ROBO2: variants seen among roughly 807,000 people sequenced by gnomAD.
The protein encoded by ROBO2 is roundabout homolog 2.
A neutral mutation model predicts 160.8 loss-of-function variants in ROBO2; 53 were observed. The observed-to-expected ratio is 0.33, with a 90% CI of 0.26 to 0.41. The LOEUF is 0.41. ROBO2 is among the 10% of genes least tolerant of loss of function. The pLI is 1.00. For missense variants in ROBO2, 1,577 were observed against 1,722.4 expected, an observed-to-expected ratio of 0.92 and a Z score of 1.49; for synonymous variants, 664 against 611.7, an observed-to-expected ratio of 1.09 and a Z score of -1.26.
At chr3:76,176,189 AT>A (rs2073224114) in intron 2 of ROBO2, among the ~76,000 whole-genome samples, 1 of 151,842 alleles carries the variant, frequency 6.6e-6, no homozygotes, top group African/African-American at 2.4e-5. Context: ...GCGCAGCTTT[AT>A]TTTTTGTTCC....
At chr3:76,898,003 A>G (rs546629889) in intron 2 of ROBO2, among the ~76,000 whole-genome samples, 1 of 152,184 alleles carries the variant, frequency 6.6e-6, no homozygotes, top group African/African-American at 2.4e-5. Flanking sequence ...TTTCATGTCA[A>G]CACATTCCTG....
rs76639234 is a variant in ROBO2, at chr3:76,058,543, T to C, written c.109+120941T>C. On this transcript the variant is annotated intron_variant, in intron 2 of 26. Coordinates refer to the ROBO2 transcript ENST00000487694. The stretch of plus-strand genomic sequence containing the variant: ...AAATAGGTAGAGTGACGATTTCCAC[T>C]TGATGAACGTTGCACATGAACTATC... Among the ~76,000 whole-genome samples the C allele has an allele frequency of 6.8e-3, 1,031 of 151,104 alleles. 60 individuals are homozygous for C. In the East Asian group the frequency reaches 0.15, roughly 22 times the overall value.
chr3:76,166,274 A>C (rs2072833574), intron 2 of ROBO2, among the ~76,000 whole-genome samples: 1 of 152,134 alleles, frequency 6.6e-6, no homozygotes, highest in Non-Finnish European at 1.5e-5. Flanking sequence ...TTTAATATGA[A>C]TTGTGAATTT....
At chr3:76,614,848 T>G (rs572232517) in intron 2 of ROBO2, among the ~76,000 whole-genome samples, 107 of 152,198 alleles carry the variant, frequency 7.0e-4, no homozygotes, top group African/African-American at 2.5e-3. Flanking sequence ...TGTCGGTGCA[T>G]AAATAATTTG....
intron 2 of ROBO2, among the ~76,000 whole-genome samples, chr3:76,831,750 TCC>T (rs1342948212): frequency 6.6e-6 from 1 of 152,166 alleles, no homozygotes; most frequent in Non-Finnish European, 1.5e-5. Context: ...TTAATAGAAA[TCC>T]CAACATAAAT....
intron 2 of ROBO2, among the ~76,000 whole-genome samples, chr3:76,471,892 G>A (rs2078673962): frequency 6.6e-6 from 1 of 152,116 alleles, no homozygotes; most frequent in African/African-American, 2.4e-5. Flanking sequence ...GATCTCATGA[G>A]AACTCATTCA....
At chr3:76,146,560 A>T (rs892284719) in intron 2 of ROBO2, among the ~76,000 whole-genome samples, 9 of 151,752 alleles carry the variant, frequency 5.9e-5, no homozygotes, top group African/African-American at 2.2e-4. Context: ...TGATTATCTT[A>T]AAGTCAATTT....
At chr3:76,073,666 A>G (rs1229473035) in intron 2 of ROBO2, among the ~76,000 whole-genome samples, 1 of 152,120 alleles carries the variant, frequency 6.6e-6, no homozygotes, top group Non-Finnish European at 1.5e-5. Flanking sequence ...TAAAAACTGA[A>G]CAATACGTTA....
chr3:75,981,871 A>AT (rs141629118), intron 2 of ROBO2, among the ~76,000 whole-genome samples: 5,511 of 149,536 alleles, frequency 0.037, 276 homozygotes, highest in East Asian at 0.17. Flanking sequence ...TATTCATTCT[A>AT]TTTTTTTTAC....
At chr3:76,700,445 A>T (rs1357975602) in intron 2 of ROBO2, among the ~76,000 whole-genome samples, 1 of 152,076 alleles carries the variant, frequency 6.6e-6, no homozygotes, top group African/African-American at 2.4e-5. Flanking sequence ...TTCCAGAGAG[A>T]CACCAGTATA....
intron 2 of ROBO2, among the ~76,000 whole-genome samples, chr3:77,215,265 G>A (rs1345128623): frequency 2.0e-5 from 3 of 152,120 alleles, no homozygotes; most frequent in African/African-American, 4.8e-5. Context: ...ATTTCTTGGA[G>A]GCTTTGTTCA....
At chr3:77,000,457 A>G (rs774042181) in intron 2 of ROBO2, among the ~76,000 whole-genome samples, 9 of 152,122 alleles carry the variant, frequency 5.9e-5, no homozygotes, top group Non-Finnish European at 1.3e-4. Flanking sequence ...TTAAGTTCCA[A>G]CTAGTCTAAG....
intron 2 of ROBO2, among the ~76,000 whole-genome samples, chr3:76,802,592 G>A (rs2064299306): frequency 1.3e-5 from 2 of 152,022 alleles, no homozygotes; most frequent in Admixed American, 1.3e-4. Context: ...AGCCGGGCGT[G>A]GTGGCGGCAC....
chr3:75,987,581 G>T (rs1340112848), intron 2 of ROBO2, among the ~76,000 whole-genome samples: 1 of 151,798 alleles, frequency 6.6e-6, no homozygotes, highest in East Asian at 1.9e-4. Context: ...AGGACTTTCA[G>T]TATTTTGTTG....
chr3:77,594,874 T>C (rs2094261981), intron 17 of ROBO2, among the ~76,000 whole-genome samples: 1 of 152,196 alleles, frequency 6.6e-6, no homozygotes, highest in African/African-American at 2.4e-5. Flanking sequence ...GTAACAGGTT[T>C]GACATTTAAA....
chr3:77,303,927 G>A (rs2062875252), intron 2 of ROBO2, among the ~76,000 whole-genome samples: 1 of 152,116 alleles, frequency 6.6e-6, no homozygotes, highest in African/African-American at 2.4e-5. Context: ...TTTGTAAGAG[G>A]TTGTGCTGGG....
At chr3:77,526,956 C>T (rs913182266) in intron 6 of ROBO2, among the ~76,000 whole-genome samples, 5 of 151,390 alleles carry the variant, frequency 3.3e-5, no homozygotes, top group African/African-American at 1.2e-4. Context: ...TTCTGCAGTC[C>T]TTGTAATGGT....
At chr3:76,997,649 GT>G (rs1435104896) in intron 2 of ROBO2, among the ~76,000 whole-genome samples, 1 of 152,178 alleles carries the variant, frequency 6.6e-6, no homozygotes, top group African/African-American at 2.4e-5. Context: ...CAGATCAAGA[GT>G]GACATGAGAG....
intron 2 of ROBO2, among the ~76,000 whole-genome samples, chr3:76,192,683 C>T (rs1231248471): frequency 6.6e-6 from 1 of 152,050 alleles, no homozygotes; most frequent in East Asian, 1.9e-4. Context: ...TCTTTCTTCC[C>T]ACATGATAAA....
Sources: allele counts gnomAD v4.1 joint callset (sites outside exome capture counted in the v4.1 genomes callset), GRCh38; gene constraint gnomAD v4.1.1; transcripts MANE v1.5; gene names NCBI Gene and HGNC (gene_info 2026-07-23, HGNC 2026-07-21).